The following METTL6 variants were observed in gnomAD, a reference collection of about 807,000 sequenced individuals.
METTL6 encodes the protein tRNA N(3)-cytidine methyltransferase METTL6.
METTL6 carries 22 observed loss-of-function variants against 26.4 expected under a neutral mutation model. That is an observed-to-expected ratio of 0.83 (90% CI 0.59 to 1.19). METTL6 has a LOEUF of 1.19. Among genes scored for constraint, METTL6 ranks in the 50% most tolerant of loss-of-function variants. METTL6 has a pLI of 0.00. For missense variants in METTL6, 304 were observed against 324.8 expected (o/e 0.94, Z 0.49); for synonymous variants, 109 against 116.2 (o/e 0.94, Z 0.40).
chr3:15,411,522 G>GGCTAT, intron 5 of METTL6, 85 bp from the exon 6 acceptor site: 1 of 1,304,584 alleles, frequency 7.7e-7, no homozygotes, highest in Non-Finnish European at 1.0e-6. Flanking sequence ...AGAGGGCTGA[G>GGCTAT]GCTATTTTAA....
intron 6 of METTL6, among the ~76,000 whole-genome samples, chr3:15,394,883 ATTC>A (rs1699445663): frequency 7.3e-6 from 1 of 136,794 alleles, no homozygotes; most frequent in African/African-American, 2.7e-5. Context: ...TATAATTTCT[ATTC>A]TTCTACATTT....
exon 7 of METTL6, chr3:15,381,853 A>T (rs1415675445): frequency 6.6e-6 from 1 of 152,072 alleles, no homozygotes; most frequent in Non-Finnish European, 1.5e-5. Context: ...AATATGTCAG[A>T]TTATCTCTTA....
At chr3:15,406,228 A>G (rs976404973), downstream of METTL6, among the ~76,000 whole-genome samples, 6 of 152,014 alleles carry the variant, frequency 3.9e-5, no homozygotes, top group Non-Finnish European at 7.4e-5. Flanking sequence ...TTTGTAGTCT[A>G]TATGATTCCA....
At chr3:15,407,912 C>T (rs369227131), downstream of METTL6, among the ~76,000 whole-genome samples, 3 of 152,240 alleles carry the variant, frequency 2.0e-5, no homozygotes, top group East Asian at 3.9e-4. Flanking sequence ...TCAGGTTTAT[C>T]GCATGGAGTC....
intron 3 of METTL6, among the ~76,000 whole-genome samples, chr3:15,418,986 C>G (rs982545905): frequency 4.6e-5 from 7 of 152,068 alleles, no homozygotes; most frequent in Admixed American, 3.9e-4. Context: ...GGCAACACAG[C>G]AGGACCTCAT....
rs1212751323 is a variant in METTL6, at chr3:15,426,560, C to T, written c.-49G>A. Reference sequence around the variant, plus strand: ...AACACAGCTGAAGATTCTCCATCACCAAATAATATGAATCCACGCTAATGG... The same window carrying T: ...AACACAGCTGAAGATTCTCCATCACTAAATAATATGAATCCACGCTAATGG... On this transcript the variant is annotated 5_prime_UTR_variant, in exon 2 of 6. Coordinates refer to ENST00000383790, the MANE Select transcript of METTL6 (RefSeq NM_152396.4). The T allele has an allele frequency of 6.5e-7, 1 of 1,535,892 alleles. No homozygotes were observed. Among genetic ancestry groups the T allele is most frequent in the East Asian group, 2.2e-5 (1 of 44,458 alleles).
In METTL6 at chr3:15,409,929, A is replaced by G. The variant is rs1291540920; in HGVS notation, c.*1327T>C. Among the ~76,000 whole-genome samples, 2 of 152,208 alleles carry G rather than the reference A, an allele frequency of 1.3e-5. No homozygotes were observed. Among genetic ancestry groups the G allele is most frequent in the Non-Finnish European group, 2.9e-5 (2 of 68,032 alleles). ...ATATATGAGTGTCTTATTTTAGTCT[A>G]CTTGGCCTCATTTTTCCCCATGGTT... On this transcript the variant is annotated 3_prime_UTR_variant, in exon 6 of 6. Coordinates refer to ENST00000383790, the MANE Select transcript of METTL6 (RefSeq NM_152396.4).
chr3:15,405,620 C>A (rs1034386851), downstream of METTL6, among the ~76,000 whole-genome samples: 1 of 152,116 alleles, frequency 6.6e-6, no homozygotes, highest in East Asian at 1.9e-4. Flanking sequence ...TGTCTAGCAC[C>A]ACCTTGTGGT....
chr3:15,391,430 T>C (rs1699342130), intron 6 of METTL6, among the ~76,000 whole-genome samples: 2 of 152,204 alleles, frequency 1.3e-5, no homozygotes, highest in African/African-American at 4.8e-5. Context: ...ATGCACATTT[T>C]TGTGCTCCAC....
At chr3:15,414,345 A>G (rs1700099049) in intron 4 of METTL6, 183 bp from the exon 5 acceptor site, 1 of 1,356,046 alleles carries the variant, frequency 7.4e-7, no homozygotes, top group East Asian at 2.9e-5. Flanking sequence ...GCTCCATAAC[A>G]CTAAGACACT....
rs1195704216 is a variant in METTL6 at position 15,412,650 on chromosome 3, ATAT to A, written c.674-1216_674-1214del. ...AAGTGCATGCCACCACTCCTGGCTA[ATAT>A]TTTTTTTTTTTTATTTTTAGTAGAG... is the stretch of plus-strand genomic sequence containing the variant. On this transcript the variant is annotated intron_variant, in intron 5 of 5. Coordinates refer to ENST00000383790, the MANE Select transcript of METTL6 (RefSeq NM_152396.4). Among the ~76,000 whole-genome samples the A allele has an allele frequency of 2.0e-5, 3 of 150,464 alleles. No homozygotes were observed. The East Asian group carries it at 5.9e-4, about 29-fold the overall frequency.
intron 3 of METTL6, among the ~76,000 whole-genome samples, chr3:15,417,361 A>G (rs1700251233): frequency 6.6e-6 from 1 of 152,100 alleles, no homozygotes; most frequent in African/African-American, 2.4e-5. Flanking sequence ...AGACTGAGGC[A>G]GAAGAATCGC....
intron 6 of METTL6, among the ~76,000 whole-genome samples, chr3:15,387,844 G>A (rs890257762): frequency 6.7e-6 from 1 of 148,746 alleles, no homozygotes; most frequent in Non-Finnish European, 1.5e-5. Flanking sequence ...ACAGGATCTT[G>A]CTCTGTCCCA....
At chr3:15,386,750 A>G (rs1441251181) in intron 6 of METTL6, among the ~76,000 whole-genome samples, 1 of 151,460 alleles carries the variant, frequency 6.6e-6, no homozygotes, top group African/African-American at 2.4e-5. Flanking sequence ...CCCAACTCCA[A>G]AGATCTTACC....
chr3:15,398,486 A>C (rs557534771), intron 6 of METTL6, among the ~76,000 whole-genome samples: 8 of 152,298 alleles, frequency 5.3e-5, no homozygotes, highest in Admixed American at 2.0e-4. Context: ...GAGCCACTGC[A>C]GCTGGCCCAA....
intron 5 of METTL6, among the ~76,000 whole-genome samples, chr3:15,413,322 C>CTAG (rs1700052350): frequency 1.3e-5 from 2 of 152,150 alleles, no homozygotes; most frequent in Non-Finnish European, 2.9e-5. Context: ...CACCTGTAAT[C>CTAG]CCACCACTTT....
At chr3:15,425,536 G>A (rs2061698424) in intron 2 of METTL6, among the ~76,000 whole-genome samples, 1 of 152,170 alleles carries the variant, frequency 6.6e-6, no homozygotes, top group Non-Finnish European at 1.5e-5. Context: ...ATCTGTCACT[G>A]AAGTCACTTA....
At chr3:15,398,602 C>CAAATCAGGAA (rs1699556211) in intron 6 of METTL6, among the ~76,000 whole-genome samples, 1 of 152,118 alleles carries the variant, frequency 6.6e-6, no homozygotes, top group Admixed American at 6.5e-5. Flanking sequence ...AATCCCAACA[C>CAAATCAGGAA]TTTGAAAGGC....
At chr3:15,389,037 A>G (rs939074312) in intron 6 of METTL6, among the ~76,000 whole-genome samples, 3 of 151,256 alleles carry the variant, frequency 2.0e-5, no homozygotes, top group Non-Finnish European at 2.9e-5. Context: ...TTTTTTTTTT[A>G]TAGAGATGGA....
Sources: gnomAD v4.1 joint callset for allele counts (sites outside exome capture counted in the v4.1 genomes callset) on GRCh38, gnomAD v4.1.1 for gene constraint, MANE v1.5 for transcripts, NCBI Gene and HGNC (gene_info 2026-07-23, HGNC 2026-07-21) for gene names.